The following FOSL2 variants were observed in gnomAD, a reference collection of about 807,000 sequenced individuals.
FOSL2 encodes the protein fos-related antigen 2.
A neutral mutation model predicts 27.7 loss-of-function variants in FOSL2; 3 were observed. The observed-to-expected ratio is 0.11, with a 90% confidence interval of 0.05 to 0.28. The LOEUF (loss-of-function observed/expected upper bound fraction) is 0.28. Among genes scored for constraint, FOSL2 ranks in the 10% least tolerant of loss-of-function variants. FOSL2 has a pLI of 1.00. For synonymous variants in FOSL2, 179 were observed against 190.1 expected, an observed-to-expected ratio of 0.94 and a Z score of 0.48; for missense variants, 333 against 445.1, an observed-to-expected ratio of 0.75 and a Z score of 2.27.
intron 1 of FOSL2, chr2:28,397,167 G>A (rs1389313212): frequency 1.3e-5 from 2 of 151,914 alleles, no homozygotes; most frequent in Non-Finnish European, 2.9e-5. Flanking sequence ...GGTTAAAAAA[G>A]GAGTGCTTTT....
intron 3 of FOSL2, chr2:28,410,389 G>A (rs1664166620): frequency 4.8e-6 from 1 of 208,288 alleles, no homozygotes; most frequent in Non-Finnish European, 8.4e-6. Context: ...CCTCCCAGAG[G>A]CCTCACACCC....
At chr2:28,407,971 A>C (rs1027235839) in intron 2 of FOSL2, among the ~76,000 whole-genome samples, 1 of 152,214 alleles carries the variant, frequency 6.6e-6, no homozygotes, top group East Asian at 1.9e-4. Flanking sequence ...TTCGCAGATA[A>C]ATCCCAAGCC....
rs1355422591 is a variant in FOSL2 at position 28,416,016 on chromosome 2, G to A, written c.*3568G>A. ...TGGGGACCAATAGAATATGTGATGT[G>A]TGAATTTTCTTTAAAAAACTTAAGG... is the stretch of plus-strand genomic sequence containing the variant. On this transcript the variant is annotated 3_prime_UTR_variant, in exon 4 of 4. Coordinates refer to ENST00000264716, the MANE Select transcript of FOSL2 (RefSeq NM_005253.4). 1.3e-5 allele frequency: 2 copies of A among 152,128 alleles called. No individual in the cohort carries two copies. The highest frequency in any genetic ancestry group is 6.5e-5 in the Admixed American group (1 of 15,268). The allele number at this position is 152,128 out of a possible 1,614,324, so 9.4% of individuals were successfully genotyped here. A position where few individuals can be genotyped will look rare whatever the true frequency, so the allele number is the denominator to read the frequency against.
chr2:28,412,134 C>G lies in FOSL2; in HGVS notation c.667C>G (p.Gln223Glu), dbSNP rs953667563. 21 of 1,605,250 alleles carry G rather than the reference C, an allele frequency of 1.3e-5. No homozygotes were observed. Among genetic ancestry groups the G allele is most frequent in the Non-Finnish European group, 1.7e-5 (20 of 1,176,906 alleles). ...GGSVGAVVVK[Q>E]EPLEEDSPSS... ...CTCGGTGGGCGCTGTAGTGGTGAAA[C>G]AGGAGCCCCTGGAAGAGGACAGCCC... Residue 223 changes from glutamine to glutamate, a missense_variant, in exon 4 of 4, where the codon CAG (glutamine) becomes GAG (glutamate). Coordinates refer to ENST00000264716, the MANE Select transcript of FOSL2 (RefSeq NM_005253.4). This position sits in a 1 kb window ranked among gnomAD's most constrained non-coding sequence, Gnocchi z 7.1.
chr2:28,394,488 C>G (rs1365250721), intron 1 of FOSL2: 1 of 152,808 alleles, frequency 6.5e-6, no homozygotes, highest in East Asian at 1.9e-4. Flanking sequence ...GTAAGGATCA[C>G]GGACAGGAGG....
At chr2:28,405,492 A>G (rs1383910575) in intron 2 of FOSL2, among the ~76,000 whole-genome samples, 2 of 152,214 alleles carry the variant, frequency 1.3e-5, no homozygotes, top group African/African-American at 2.4e-5. Context: ...ACCACTGTCC[A>G]TCTTCACTCT....
Position 28,413,050 on chromosome 2 carries a change from C to A in FOSL2, c.*602C>A, listed in dbSNP as rs117257740. ...AAGTGCAATACAGAGCCTTCCCTAC[C>A]CTGACGCCTCCCAGTCATCATCTCC... is the stretch of plus-strand genomic sequence containing the variant. On this transcript the variant is annotated 3_prime_UTR_variant, in exon 4 of 4. Transcript: ENST00000264716. 5.6e-5 allele frequency: 9 copies of A among 161,964 alleles called. No homozygotes were observed. In the East Asian group the frequency reaches 1.6e-3, roughly 29 times the overall value. The allele number at this position is 161,964 out of a possible 1,614,324, so 10.0% of individuals were successfully genotyped here.
intron 1 of FOSL2, among the ~76,000 whole-genome samples, chr2:28,396,011 A>G (rs763566683): frequency 1.7e-4 from 26 of 152,150 alleles, no homozygotes; most frequent in Admixed American, 3.3e-4. Flanking sequence ...TAAAACCTGT[A>G]ATCACTTTAT....
Position 28,408,969 on chromosome 2 carries a change from G to A in FOSL2, c.462+103G>A, listed in dbSNP as rs1024169631. 2.9e-5 allele frequency: 20 copies of A among 698,498 alleles called. No homozygotes were observed. The Admixed American group carries it at 3.8e-4, about 13-fold the overall frequency. The allele number at this position is 698,498 out of a possible 1,614,324, so 43.3% of individuals were successfully genotyped here. On this transcript the variant is annotated intron_variant, in intron 3 of 3. Transcript: ENST00000264716. This position sits in a 1 kb window ranked among gnomAD's most constrained non-coding sequence, Gnocchi z 4.1. The stretch of plus-strand genomic sequence containing the variant: ...CACAGCTGTCTCCTTACCCACAAAT[G>A]CCCTACAGATGAGTCAGTGGAGATA...
At chr2:28,401,061 A>G (rs1423465553) in intron 1 of FOSL2, among the ~76,000 whole-genome samples, 2 of 152,068 alleles carry the variant, frequency 1.3e-5, no homozygotes, top group East Asian at 1.9e-4. Flanking sequence ...GGGGAGAGAA[A>G]TGGAATTTAA....
intron 1 of FOSL2, among the ~76,000 whole-genome samples, chr2:28,399,873 G>T (rs551296262): frequency 2.6e-5 from 4 of 152,124 alleles, no homozygotes; most frequent in African/African-American, 4.8e-5. Flanking sequence ...GGCTGCTTTC[G>T]CACTGCAGTG....
At chr2:28,398,595 CT>C (rs1663908430) in intron 1 of FOSL2, among the ~76,000 whole-genome samples, 1 of 152,252 alleles carries the variant, frequency 6.6e-6, no homozygotes, top group South Asian at 2.1e-4. Flanking sequence ...AAGGCCTTCT[CT>C]TTCTGTTTCT....
chr2:28,409,129 G>A (rs1280141691), intron 3 of FOSL2, among the ~76,000 whole-genome samples: 3 of 152,180 alleles, frequency 2.0e-5, no homozygotes, highest in Admixed American at 6.5e-5. Context: ...TGCTAGCCAC[G>A]GTTTTTACGC....
chr2:28,411,894 G>A (rs749954232), intron 3 of FOSL2, 36 bp from the exon 4 acceptor site: 1 of 1,613,478 alleles, frequency 6.2e-7, no homozygotes, highest in African/African-American at 1.3e-5. Context: ...TCCCTGGCAG[G>A]TTGCTGTCCC....
In FOSL2 at chr2:28,408,535, A is replaced by G. The variant is rs1026696532; in HGVS notation, c.355-224A>G. Among the ~76,000 whole-genome samples, 2 of 152,180 alleles carry G rather than the reference A, an allele frequency of 1.3e-5. No individual in the cohort carries two copies. Among genetic ancestry groups the G allele is most frequent in the African/African-American group, 2.4e-5 (1 of 41,432 alleles). ...TTAAACATGGACTTTAAACTTGGAC[A>G]TCACCTTCCGGGGCAGATTCAGCTC... On this transcript the variant is annotated intron_variant, in intron 2 of 3. Coordinates refer to ENST00000264716, the MANE Select transcript of FOSL2 (RefSeq NM_005253.4). The surrounding 1 kb of genome is among the most constrained non-coding windows in gnomAD (Gnocchi z 4.1).
At chr2:28,402,693 G>A (rs978742072) in intron 1 of FOSL2, among the ~76,000 whole-genome samples, 1 of 152,210 alleles carries the variant, frequency 6.6e-6, no homozygotes, top group African/African-American at 2.4e-5. Context: ...CTGTCTGAGG[G>A]CAGTGGGGGT....
chr2:28,409,934 T>G (rs1270295519), intron 3 of FOSL2, among the ~76,000 whole-genome samples: 1 of 152,094 alleles, frequency 6.6e-6, no homozygotes, highest in East Asian at 1.9e-4. Flanking sequence ...AGAGACAGGG[T>G]TTCACCATGT....
Position 28,408,761 on chromosome 2 carries a change from G to C in FOSL2, c.357G>C (p.Leu119=). Residue 119 remains leucine, a splice_region_variant and synonymous_variant, in exon 3 of 4, where the codon CTG becomes CTC. Coordinates refer to ENST00000264716, the MANE Select transcript of FOSL2 (RefSeq NM_005253.4). This position sits in a 1 kb window ranked among gnomAD's most constrained non-coding sequence, Gnocchi z 4.1. ...TVGRRRRDEQ[L]SPEEEEKRRI... ...TGATCCTTGGCTTTGGCCTCTAGCT[G>C]TCTCCTGAAGAGGAGGAGAAGCGTC... 1.9e-6 allele frequency: 3 copies of C among 1,605,912 alleles called. No individual in the cohort carries two copies. Among genetic ancestry groups the C allele is most frequent in the South Asian group, 2.2e-5 (2 of 90,100 alleles).
At chr2:28,411,866 C>G (rs1664204543) in intron 3 of FOSL2, 64 bp from the exon 4 acceptor site, 6 of 1,581,598 alleles carry the variant, frequency 3.8e-6, no homozygotes, top group Middle Eastern at 3.4e-4. Flanking sequence ...CTGGTTTTCT[C>G]TTTCCTGCCT....
Sources: allele counts gnomAD v4.1 joint callset (sites outside exome capture counted in the v4.1 genomes callset), GRCh38; gene constraint gnomAD v4.1.1; non-coding constraint Gnocchi (gnomAD v3.1); transcripts MANE v1.5; gene names NCBI Gene and HGNC (gene_info 2026-07-23, HGNC 2026-07-21).